Variants in SYT1 observed in about 807,000 individuals in gnomAD.
The protein encoded by SYT1 is synaptotagmin 1.
In SYT1, 8 loss-of-function variants were observed where a neutral mutation model predicts 44.8. That is an observed-to-expected ratio of 0.18 (90% CI 0.10 to 0.32). SYT1 has a LOEUF of 0.32. Ranked by LOEUF, SYT1 falls within the 10% of genes least tolerant of loss-of-function variation. The pLI is 1.00. For missense variants in SYT1, 286 were observed against 509.3 expected, an observed-to-expected ratio of 0.56 and a Z score of 4.22; for synonymous variants, 154 against 188.8, an observed-to-expected ratio of 0.82 and a Z score of 1.51.
At chr12:79,278,768 C>CA (rs1565887741) in intron 4 of SYT1, among the ~76,000 whole-genome samples, 1 of 150,736 alleles carries the variant, frequency 6.6e-6, no homozygotes, top group Non-Finnish European at 1.5e-5. Context: ...CTAGATTAAC[C>CA]AAAAAAAGAA....
At chr12:79,129,877 G>A (rs1179645899) in intron 3 of SYT1, among the ~76,000 whole-genome samples, 2 of 152,074 alleles carry the variant, frequency 1.3e-5, no homozygotes, top group East Asian at 3.9e-4. Context: ...TTGTAACAAA[G>A]ATGATTCAAA....
intron 4 of SYT1, 29 bp downstream of exon 4, chr12:79,217,714 A>G (rs1244332574): frequency 6.4e-7 from 1 of 1,564,936 alleles, no homozygotes; most frequent in Non-Finnish European, 8.7e-7. Context: ...TACTTGAGTA[A>G]AAATAAGTGG....
intron 1 of SYT1, among the ~76,000 whole-genome samples, chr12:78,921,379 GTC>G (rs1876990648): frequency 6.6e-6 from 1 of 151,916 alleles, no homozygotes. Flanking sequence ...TACACTTAGA[GTC>G]TCTGGCAGAA....
intron 1 of SYT1, among the ~76,000 whole-genome samples, chr12:78,951,726 C>G (rs1315087997): frequency 6.6e-6 from 1 of 152,122 alleles, no homozygotes; most frequent in Non-Finnish European, 1.5e-5. Flanking sequence ...AGTCAACCTA[C>G]CAGTGAGCAT....
chr12:78,893,258 T>G (rs1355049748), intron 1 of SYT1, among the ~76,000 whole-genome samples: 1 of 151,836 alleles, frequency 6.6e-6, no homozygotes, highest in East Asian at 1.9e-4. Flanking sequence ...TTTTTAAAAT[T>G]TCCACTGCTG....
At chr12:79,198,827 T>C (rs1200246638) in intron 3 of SYT1, among the ~76,000 whole-genome samples, 1 of 152,148 alleles carries the variant, frequency 6.6e-6, no homozygotes, top group African/African-American at 2.4e-5. Flanking sequence ...CTAAAAGAAA[T>C]ACTTAAATTT....
intron 3 of SYT1, among the ~76,000 whole-genome samples, chr12:79,136,615 A>T: frequency 6.6e-6 from 1 of 152,334 alleles, no homozygotes; most frequent in Middle Eastern, 3.4e-3. Context: ...AATTATTAAT[A>T]AAAATGACTA....
intron 1 of SYT1, among the ~76,000 whole-genome samples, chr12:78,934,477 C>T (rs1227347284): frequency 2.0e-5 from 3 of 152,102 alleles, no homozygotes; most frequent in African/African-American, 7.2e-5. Context: ...GTTGAGGCTG[C>T]AGTGAGCCAT....
intron 8 of SYT1, among the ~76,000 whole-genome samples, chr12:79,326,660 A>G (rs1489579045): frequency 6.6e-6 from 1 of 152,198 alleles, no homozygotes; most frequent in Non-Finnish European, 1.5e-5. Context: ...CTTTCAACCC[A>G]CAGATTTTTT....
intron 8 of SYT1, among the ~76,000 whole-genome samples, chr12:79,343,431 G>T (rs1358903663): frequency 6.6e-6 from 1 of 152,134 alleles, no homozygotes; most frequent in Non-Finnish European, 1.5e-5. Context: ...CATACTAACT[G>T]ATGTAATTCT....
chr12:79,188,371 A>G (rs1270580539), intron 3 of SYT1, among the ~76,000 whole-genome samples: 3 of 152,112 alleles, frequency 2.0e-5, no homozygotes, highest in African/African-American at 7.2e-5. Context: ...TAGAATTCAG[A>G]TCTATGATTT....
chr12:79,175,427 T>C (rs546950023), intron 3 of SYT1, among the ~76,000 whole-genome samples: 12 of 152,186 alleles, frequency 7.9e-5, no homozygotes, highest in African/African-American at 2.9e-4. Flanking sequence ...AAACATTAAT[T>C]TGGCAGCTGA....
At chr12:79,220,552 T>C (rs1377267595) in intron 4 of SYT1, among the ~76,000 whole-genome samples, 1 of 152,104 alleles carries the variant, frequency 6.6e-6, no homozygotes, top group African/African-American at 2.4e-5. Flanking sequence ...CATTTATTTC[T>C]ATAAAATTCC....
chr12:78,974,661 C>A (rs938461515), intron 1 of SYT1, among the ~76,000 whole-genome samples: 1 of 152,068 alleles, frequency 6.6e-6, no homozygotes, highest in Non-Finnish European at 1.5e-5. Flanking sequence ...TGGTCTCGAT[C>A]TCCTGACCTC....
chr12:79,008,375 G>A (rs1056561508), intron 2 of SYT1, among the ~76,000 whole-genome samples: 4 of 152,072 alleles, frequency 2.6e-5, no homozygotes, highest in East Asian at 1.9e-4. Context: ...ATGTAGAATC[G>A]TATAAGCCAT....
At chr12:79,160,743 A>C (rs1379672682) in intron 3 of SYT1, among the ~76,000 whole-genome samples, 1 of 152,128 alleles carries the variant, frequency 6.6e-6, no homozygotes, top group Non-Finnish European at 1.5e-5. Context: ...AAATCTAGAG[A>C]TGTAAATTTG....
chr12:79,289,370 T>G (rs1468618020), intron 5 of SYT1, among the ~76,000 whole-genome samples: 2 of 152,230 alleles, frequency 1.3e-5, no homozygotes, highest in Non-Finnish European at 2.9e-5. Context: ...GCTACTGATT[T>G]AATAGGTCTG....
chr12:79,116,504 T>G (rs941466717), intron 3 of SYT1, among the ~76,000 whole-genome samples: 1 of 152,186 alleles, frequency 6.6e-6, no homozygotes, highest in African/African-American at 2.4e-5. Flanking sequence ...GTGTCTTATT[T>G]CATAAGTGAG....
chr12:79,293,345 TA>T (rs1437352374), intron 6 of SYT1, among the ~76,000 whole-genome samples: 1 of 27,172 alleles, frequency 3.7e-5, no homozygotes, highest in East Asian at 7.1e-4. Flanking sequence ...TAAAATAAAA[TA>T]AAATAAAATA....
Sources: gnomAD v4.1 joint callset for allele counts (sites outside exome capture counted in the v4.1 genomes callset) on GRCh38, gnomAD v4.1.1 for gene constraint, MANE v1.5 for transcripts, NCBI Gene and HGNC (gene_info 2026-07-23, HGNC 2026-07-21) for gene names.